The following ZPBP variants were observed in gnomAD, a reference collection of about 807,000 sequenced individuals.
ZPBP encodes the protein zona pellucida binding protein.
ZPBP carries 26 observed loss-of-function variants against 44.8 expected under a neutral mutation model. That is an observed-to-expected ratio of 0.58 (90% CI 0.43 to 0.81). The LOEUF is 0.81. Ranked by LOEUF, ZPBP falls within the 30% of genes least tolerant of loss-of-function variation. The pLI is 0.00. For missense variants in ZPBP, 409 were observed against 434.0 expected, an observed-to-expected ratio of 0.94 and a Z score of 0.51; for synonymous variants, 174 against 153.2, an observed-to-expected ratio of 1.14 and a Z score of -1.00.
At chr7:49,888,138 G>C in intron 2 of ZPBP, among the ~76,000 whole-genome samples, 1 of 152,168 alleles carries the variant, frequency 6.6e-6, no homozygotes, top group East Asian at 1.9e-4. Context: ...AATTGGCCTT[G>C]GTGGAAGTAG....
At chr7:49,971,965 C>T (rs1282270946) in intron 7 of ZPBP, among the ~76,000 whole-genome samples, 3 of 151,872 alleles carry the variant, frequency 2.0e-5, no homozygotes, top group African/African-American at 4.8e-5. Flanking sequence ...TAATACACTA[C>T]GTTAGCAGAA....
intron 1 of ZPBP, among the ~76,000 whole-genome samples, chr7:49,911,057 G>A (rs1317155397): frequency 6.6e-6 from 1 of 152,178 alleles, no homozygotes; most frequent in East Asian, 1.9e-4. Flanking sequence ...AAAGTGTCCT[G>A]AAGAGGACTG....
At chr7:49,978,116 T>C (rs1350824169) in intron 7 of ZPBP, among the ~76,000 whole-genome samples, 1 of 150,292 alleles carries the variant, frequency 6.7e-6, no homozygotes, top group Non-Finnish European at 1.5e-5. Flanking sequence ...AGAAATAACA[T>C]GGGAGAAAGT....
At chr7:50,072,007 G>A (rs1034495213) in intron 3 of ZPBP, among the ~76,000 whole-genome samples, 4 of 152,156 alleles carry the variant, frequency 2.6e-5, no homozygotes, top group African/African-American at 7.2e-5. Context: ...AAACTAAAGG[G>A]CACTTTGTCT....
intron 2 of ZPBP, among the ~76,000 whole-genome samples, chr7:49,899,135 G>C (rs1308918731): frequency 6.6e-6 from 1 of 151,922 alleles, no homozygotes; most frequent in Non-Finnish European, 1.5e-5. Context: ...TATCCACAAA[G>C]GATATGTTCT....
At chr7:49,954,563 A>G (rs1030282396) in intron 7 of ZPBP, among the ~76,000 whole-genome samples, 1 of 152,188 alleles carries the variant, frequency 6.6e-6, no homozygotes, top group Non-Finnish European at 1.5e-5. Context: ...AACACTAAAC[A>G]TAAGAAAGCT....
rs116841365 is a variant in ZPBP at position 50,031,963 on chromosome 7, G to A, written c.488-653C>T. Reference sequence around the variant, plus strand: ...AAAAGTTCATCTTCCAAAACAGGGCGCTCTGTTGCTACTTCTGTCAAACAA... The same window carrying A: ...AAAAGTTCATCTTCCAAAACAGGGCACTCTGTTGCTACTTCTGTCAAACAA... On this transcript the variant is annotated intron_variant, in intron 4 of 7. Transcript: ENST00000046087. 6.0e-3 allele frequency among the ~76,000 whole-genome samples: 910 copies of A among 152,158 alleles called. 9 individuals are homozygous for A. Among genetic ancestry groups the A allele is most frequent in the Middle Eastern group, 0.034 (10 of 294 alleles).
chr7:50,006,067 G>A (rs1051681457), intron 6 of ZPBP, among the ~76,000 whole-genome samples: 1 of 151,826 alleles, frequency 6.6e-6, no homozygotes, highest in Non-Finnish European at 1.5e-5. Context: ...ATTATATAAT[G>A]ATGAAAGGGC....
At chr7:50,073,430 C>A (rs1171025022) in intron 3 of ZPBP, among the ~76,000 whole-genome samples, 2 of 152,004 alleles carry the variant, frequency 1.3e-5, no homozygotes, top group Non-Finnish European at 2.9e-5. Flanking sequence ...AACAGCAAAT[C>A]TAACAGTTAA....
At chr7:49,843,460 C>T in the ZPBP span, among the ~76,000 whole-genome samples, 3 of 152,184 alleles carry the variant, frequency 2.0e-5, no homozygotes, top group Non-Finnish European at 2.9e-5. Flanking sequence ...ATGAAAGGGT[C>T]TACCATTAAT....
At chr7:49,940,499 T>C (rs756735363) in intron 7 of ZPBP, among the ~76,000 whole-genome samples, 4 of 151,934 alleles carry the variant, frequency 2.6e-5, no homozygotes, top group Non-Finnish European at 4.4e-5. Flanking sequence ...ATGTAATACA[T>C]TGAGAGTGAG....
At chr7:49,865,861 C>T (rs78606659) in intron 2 of ZPBP, among the ~76,000 whole-genome samples, 4,192 of 152,278 alleles carry the variant, frequency 0.028, 161 homozygotes, top group South Asian at 0.12. Context: ...CCGGATGTCT[C>T]TCTACTTTGG....
At chr7:49,905,091 T>G (rs1021145560) in intron 1 of ZPBP, among the ~76,000 whole-genome samples, 2 of 151,802 alleles carry the variant, frequency 1.3e-5, no homozygotes, top group Non-Finnish European at 3.0e-5. Flanking sequence ...TAAAAATCAC[T>G]TAAGATGAAG....
downstream of ZPBP, among the ~76,000 whole-genome samples, chr7:49,935,018 C>T (rs1794573826): frequency 6.6e-6 from 1 of 152,100 alleles, no homozygotes; most frequent in African/African-American, 2.4e-5. Flanking sequence ...TGCTTTATGA[C>T]AATAATCTCT....
At position 49,892,212 on chromosome 7, in the gene ZPBP, T is replaced by A. The variant is rs534285312; in HGVS notation, n.509+8906A>T. Among the ~76,000 whole-genome samples, 5 of 150,732 alleles carry A rather than the reference T, an allele frequency of 3.3e-5. No individual in the cohort carries two copies. In the East Asian group the frequency reaches 9.8e-4, roughly 30 times the overall value. ...GGCGCCCACCATCACGCCCGGCTAA[T>A]TTTTTTTGTATTTTTAGTAGAGACG... On this transcript the variant is annotated intron_variant and non_coding_transcript_variant, in intron 2 of 2. Transcript: ENST00000465922.
At chr7:50,049,716 A>T (rs967278609) in intron 4 of ZPBP, among the ~76,000 whole-genome samples, 5 of 152,024 alleles carry the variant, frequency 3.3e-5, no homozygotes, top group Non-Finnish European at 7.4e-5. Flanking sequence ...ATATATACTC[A>T]ATGGTGAAAG....
intron 7 of ZPBP, among the ~76,000 whole-genome samples, chr7:49,968,093 TA>T (rs1232962253): frequency 6.6e-6 from 1 of 152,004 alleles, no homozygotes; most frequent in African/African-American, 2.4e-5. Context: ...ACTAATTTTT[TA>T]AAAAAACATA....
chr7:49,930,802 T>C (rs985223049), intron 1 of ZPBP, among the ~76,000 whole-genome samples: 7 of 152,226 alleles, frequency 4.6e-5, no homozygotes, highest in African/African-American at 1.4e-4. Flanking sequence ...CAACATATAA[T>C]AGTGAAAACT....
intron 6 of ZPBP, among the ~76,000 whole-genome samples, chr7:49,992,587 TAA>T (rs1457829133): frequency 3.3e-5 from 5 of 151,980 alleles, no homozygotes; most frequent in African/African-American, 4.8e-5. Flanking sequence ...TACAATAGTA[TAA>T]GAGAGATGGA....
Sources: allele counts gnomAD v4.1 joint callset (sites outside exome capture counted in the v4.1 genomes callset), GRCh38; gene constraint gnomAD v4.1.1; transcripts MANE v1.5; gene names NCBI Gene and HGNC (gene_info 2026-07-23, HGNC 2026-07-21).